The following TF variants were observed in gnomAD, a reference collection of about 807,000 sequenced individuals.
TF encodes serotransferrin.
A neutral mutation model predicts 82.4 loss-of-function variants in TF; 55 were observed. The observed-to-expected ratio is 0.67, with a 90% CI of 0.54 to 0.84. The LOEUF is 0.84. Ranked by LOEUF, TF falls within the 40% of genes least tolerant of loss-of-function variation. The probability of loss-of-function intolerance (pLI) is 0.00; values close to 1 mark genes in which losing one functional copy is unlikely to be tolerated. For missense variants in TF, 737 were observed against 868.4 expected (o/e 0.85, Z 1.90); for synonymous variants, 332 against 332.6 (o/e 1.00, Z 0.02).
chr3:133,724,751 A>T, the TF span, among the ~76,000 whole-genome samples: 8 of 152,156 alleles, frequency 5.3e-5, no homozygotes, highest in African/African-American at 1.9e-4. Flanking sequence ...CCTGAATGGT[A>T]TTGCCTAGGT....
chr3:133,698,508 C>T, the TF span, among the ~76,000 whole-genome samples: 1 of 152,178 alleles, frequency 6.6e-6, no homozygotes, highest in Non-Finnish European at 1.5e-5. Context: ...CTGTTCCAGG[C>T]CACTGTCCTC....
rs114008681 is a variant in TF at position 133,751,543 on chromosome 3, A to T, written c.217-2052A>T. ...AATAGTCAAATTTATAGAAACAGAA[A>T]GTAGCATAATGACTACCAGGGGCTG... On this transcript the variant is annotated intron_variant, in intron 2 of 16. Transcript: ENST00000402696. Among the ~76,000 whole-genome samples the T allele has an allele frequency of 1.8e-3, 268 of 152,318 alleles. 1 individual carries two copies. Among genetic ancestry groups the T allele is most frequent in the Middle Eastern group, 3.4e-3 (1 of 294 alleles).
chr3:133,756,950 G>A lies in TF; in HGVS notation c.811G>A (p.Val271Met), dbSNP rs200493748. 37 of 1,614,076 alleles carry A rather than the reference G, an allele frequency of 2.3e-5. No individual in the cohort carries two copies. The East Asian group carries it at 3.8e-4, about 17-fold the overall frequency. The change falls in exon 7 of 17, where the codon GTG becomes ATG. Residue 271 changes from valine (V) to methionine (M), a missense_variant. Coordinates refer to ENST00000402696, the MANE Select transcript of TF (RefSeq NM_001063.4). ...HLAQVPSHTVVARSMGGKEDL... is the reference protein window; with the variant it reads ...HLAQVPSHTVMARSMGGKEDL... ...GGCCCAGGTCCCTTCTCATACCGTCGTGGCCCGAAGTATGGGCGGCAAGGA... is the reference window on the plus strand; with the variant it reads ...GGCCCAGGTCCCTTCTCATACCGTCATGGCCCGAAGTATGGGCGGCAAGGA...
In TF at chr3:133,755,308, TTGGCTG is replaced by T. The variant is rs1933793924; in HGVS notation, c.503-50_503-45del. On this transcript the variant is annotated intron_variant, in intron 4 of 16. Transcript: ENST00000402696. ...GATGGGCCTGGGTGGGGTGATGCCA[TTGGCTG>T]TGGCCAGCCTCACTCATGCTCTGTT... The T allele has an allele frequency of 5.0e-6, 8 of 1,613,082 alleles. No individual in the cohort carries two copies. In the South Asian group the frequency reaches 8.8e-5, roughly 18 times the overall value.
chr3:133,732,063 G>A, the TF span, among the ~76,000 whole-genome samples: 3 of 152,164 alleles, frequency 2.0e-5, no homozygotes, highest in Non-Finnish European at 4.4e-5. Flanking sequence ...GACCTGAGGG[G>A]CTGGGCTCAG....
At chr3:133,740,689 A>G in the TF span, among the ~76,000 whole-genome samples, 8 of 152,230 alleles carry the variant, frequency 5.3e-5, no homozygotes, top group East Asian at 1.5e-3. Flanking sequence ...ATGAAAAAAC[A>G]TTTGGAATTT....
rs574409965 is a variant in TF, at chr3:133,777,070, A to G, written c.1894A>G (p.Thr632Ala). The G allele has an allele frequency of 6.2e-7, 1 of 1,614,204 alleles. No individual in the cohort carries two copies. Among genetic ancestry groups the G allele is most frequent in the Admixed American group, 1.7e-5 (1 of 60,022 alleles). The change falls in exon 16 of 17, where the codon ACT becomes GCT. Residue 632 changes from threonine to alanine, a missense_variant. Coordinates refer to ENST00000402696, the MANE Select transcript of TF (RefSeq NM_001063.4). ...ACAGCACCTATTTGGAAGCAACGTA[A>G]CTGACTGCTCGGGCAACTTTTGTTT... ...QQQHLFGSNVTDCSGNFCLFR... is the reference protein window; with the variant it reads ...QQQHLFGSNVADCSGNFCLFR...
At position 133,782,374 on chromosome 3, in the gene TF, G is replaced by T. The variant is rs1341436882; in HGVS notation, c.*3754G>T. The T allele has an allele frequency of 6.6e-6, 1 of 152,096 alleles. No homozygotes were observed. The highest frequency in any genetic ancestry group is 6.5e-5 in the Admixed American group (1 of 15,270). The allele number at this position is 152,096 out of a possible 1,614,324, so 9.4% of individuals were successfully genotyped here. A position where few individuals can be genotyped will look rare whatever the true frequency, so the allele number is the denominator to read the frequency against. On this transcript the variant is annotated 3_prime_UTR_variant, in exon 17 of 17. Coordinates refer to ENST00000402696, the MANE Select transcript of TF (RefSeq NM_001063.4). ...ATTGCAGCATTGCAGCCAATATAGG[G>T]AAGCAACCTAAATGCCTGTTGAAGA...
the TF span, among the ~76,000 whole-genome samples, chr3:133,703,332 A>G: frequency 6.6e-6 from 1 of 152,240 alleles, no homozygotes; most frequent in African/African-American, 2.4e-5. Context: ...AAACATGTAA[A>G]TAGCATAGTA....
At position 133,764,411 on chromosome 3, in the gene TF, T is replaced by C. The variant is rs374833547; in HGVS notation, c.1297+136T>C. The C allele has an allele frequency of 4.1e-4, 302 of 731,170 alleles. 2 individuals are homozygous for C. The East Asian group carries it at 4.9e-3, about 12-fold the overall frequency. 45.3% of individuals were successfully genotyped at this position (731,170 alleles called of 1,614,324 possible). ...TCTGAGCACCTCCTACTTTGCAAGC[T>C]CTGGGCTCCTTCATCTCAAATCCCC... is the stretch of plus-strand genomic sequence containing the variant. On this transcript the variant is annotated intron_variant, in intron 10 of 16. Coordinates refer to ENST00000402696, the MANE Select transcript of TF (RefSeq NM_001063.4).
the TF span, among the ~76,000 whole-genome samples, chr3:133,723,859 T>C: frequency 6.6e-6 from 1 of 151,696 alleles, no homozygotes; most frequent in Non-Finnish European, 1.5e-5. Flanking sequence ...CCTGTGTCCA[T>C]GTGTTCTCAT....
At chr3:133,669,104 G>A in the TF span, among the ~76,000 whole-genome samples, 2 of 152,010 alleles carry the variant, frequency 1.3e-5, no homozygotes, top group Admixed American at 6.6e-5. Context: ...GGGTTCAAGC[G>A]ATTTTCTTGC....
chr3:133,687,359 T>C, the TF span, among the ~76,000 whole-genome samples: 1 of 152,146 alleles, frequency 6.6e-6, no homozygotes, highest in Non-Finnish European at 1.5e-5. Context: ...AAAAAAAAGA[T>C]ACTGACTAAA....
chr3:133,680,186 CT>C, the TF span, among the ~76,000 whole-genome samples: 1 of 151,674 alleles, frequency 6.6e-6, no homozygotes, highest in Non-Finnish European at 1.5e-5. Flanking sequence ...TTTACTCACA[CT>C]TTTTTTTCTT....
At chr3:133,756,071 T>C (rs2107915741) in intron 5 of TF, among the ~76,000 whole-genome samples, 1 of 152,268 alleles carries the variant, frequency 6.6e-6, no homozygotes, top group Non-Finnish European at 1.5e-5. Flanking sequence ...GCATTTTGCT[T>C]CTTTGGGTTA....
At chr3:133,777,273 C>T in intron 16 of TF, 35 bp downstream of exon 16, 1 of 1,601,630 alleles carries the variant, frequency 6.2e-7, no homozygotes, top group Non-Finnish European at 8.5e-7. Flanking sequence ...AAGTGGCAAC[C>T]AAACATGGTG....
chr3:133,774,259 T>C (rs1934330314), intron 14 of TF: 1 of 152,206 alleles, frequency 6.6e-6, no homozygotes, highest in African/African-American at 2.4e-5. Flanking sequence ...GAACTAACTA[T>C]TCCACTTCTA....
At chr3:133,678,079 C>T in the TF span, among the ~76,000 whole-genome samples, 15 of 152,098 alleles carry the variant, frequency 9.9e-5, no homozygotes, top group Middle Eastern at 3.2e-3. Flanking sequence ...TCTCATTGTT[C>T]AACTCCCATT....
rs2107953737 is a variant in TF at position 133,791,589 on chromosome 3, C to G, written c.*12969C>G. The G allele has an allele frequency of 6.6e-6, 1 of 152,332 alleles. No homozygotes were observed. Among genetic ancestry groups the G allele is most frequent in the Admixed American group, 6.5e-5 (1 of 15,304 alleles). 9.4% of individuals were successfully genotyped at this position (152,332 alleles called of 1,614,324 possible). On this transcript the variant is annotated 3_prime_UTR_variant, in exon 17 of 17. Transcript: ENST00000402696. Reference sequence around the variant, plus strand: ...AGGCCGATCTTAAGCTGTAGTGAATCTGGTGTGCTTTGTGTCTTTCTGTAT... The same window carrying G: ...AGGCCGATCTTAAGCTGTAGTGAATGTGGTGTGCTTTGTGTCTTTCTGTAT...
Sources: allele counts gnomAD v4.1 joint callset (sites outside exome capture counted in the v4.1 genomes callset), GRCh38; gene constraint gnomAD v4.1.1; transcripts MANE v1.5; gene names NCBI Gene and HGNC (gene_info 2026-07-23, HGNC 2026-07-21).